Variants in CDC42SE2 observed in about 807,000 individuals in gnomAD.
CDC42SE2 encodes CDC42 small effector 2, also known as CDC42 small effector protein 2.
Under a neutral mutation model 11.5 loss-of-function variants are expected in CDC42SE2, and 3 were observed. The observed-to-expected ratio is 0.26, with a 90% confidence interval of 0.12 to 0.67. The LOEUF is 0.67. Among genes scored for constraint, CDC42SE2 ranks in the 30% least tolerant of loss-of-function variants. CDC42SE2 has a pLI of 0.80. For synonymous variants in CDC42SE2, 33 were observed against 34.8 expected (o/e 0.95, Z 0.18); for missense variants, 82 against 106.8 (o/e 0.77, Z 1.02).
intron 3 of CDC42SE2, among the ~76,000 whole-genome samples, chr5:131,369,392 T>C (rs1040676064): frequency 6.6e-6 from 1 of 152,182 alleles, no homozygotes; most frequent in African/African-American, 2.4e-5. Flanking sequence ...TTTGTGTATG[T>C]GTAGCCTGGT....
At position 131,347,339 on chromosome 5, in the gene CDC42SE2, TAC is replaced by T. The variant is rs201109104; in HGVS notation, c.-285-11868_-285-11867del. Among the ~76,000 whole-genome samples the T allele has an allele frequency of 2.8e-4, 42 of 152,212 alleles. No individual in the cohort carries two copies. The East Asian group carries it at 7.7e-3, about 28-fold the overall frequency. On this transcript the variant is annotated intron_variant, in intron 2 of 4. Transcript: ENST00000505065. The stretch of plus-strand genomic sequence containing the variant: ...GATCTCACCACCCATCCCACAGAAA[TAC>T]AGACTACCATCAGAAAATACTATAA...
chr5:131,272,975 C>T (rs1183366391), intron 1 of CDC42SE2, among the ~76,000 whole-genome samples: 1 of 152,064 alleles, frequency 6.6e-6, no homozygotes, highest in African/African-American at 2.4e-5. Flanking sequence ...TGGCATATTA[C>T]TGCCTGTTTT....
intron 1 of CDC42SE2, among the ~76,000 whole-genome samples, chr5:131,254,181 C>T (rs901291879): frequency 2.6e-5 from 4 of 152,150 alleles, no homozygotes; most frequent in African/African-American, 9.7e-5. Flanking sequence ...CTATCCCTTC[C>T]CCAGCCCCGC....
the CDC42SE2 span, among the ~76,000 whole-genome samples, chr5:131,217,100 G>A: frequency 6.6e-6 from 1 of 152,268 alleles, no homozygotes; most frequent in East Asian, 1.9e-4. Context: ...AATTTTGGTG[G>A]CAGACTACAG....
chr5:131,221,277 A>T, the CDC42SE2 span, among the ~76,000 whole-genome samples: 3 of 151,834 alleles, frequency 2.0e-5, no homozygotes, highest in South Asian at 4.2e-4. Flanking sequence ...AAACTTTCAT[A>T]AAACATTATG....
At chr5:131,308,501 T>TG (rs1156556784) in intron 1 of CDC42SE2, among the ~76,000 whole-genome samples, 1 of 143,842 alleles carries the variant, frequency 7.0e-6, no homozygotes, top group African/African-American at 2.6e-5. Flanking sequence ...GGTAGCTTGA[T>TG]GGGGATGGCA....
chr5:131,387,601 A>C (rs1014980195), intron 4 of CDC42SE2, among the ~76,000 whole-genome samples: 1 of 152,204 alleles, frequency 6.6e-6, no homozygotes, highest in Non-Finnish European at 1.5e-5. Context: ...AGTTCGTGGC[A>C]TTTAAAATCT....
At chr5:131,314,703 A>G (rs551925215) in intron 1 of CDC42SE2, among the ~76,000 whole-genome samples, 27 of 152,328 alleles carry the variant, frequency 1.8e-4, no homozygotes, top group African/African-American at 6.3e-4. Context: ...ATAGCCTCTT[A>G]GTTCACTGTC....
chr5:131,231,055 T>A, the CDC42SE2 span, among the ~76,000 whole-genome samples: 1 of 152,250 alleles, frequency 6.6e-6, no homozygotes, highest in Admixed American at 6.5e-5. Flanking sequence ...TAAATGTTTA[T>A]CAGCAGTATT....
chr5:131,223,004 A>C, the CDC42SE2 span, among the ~76,000 whole-genome samples: 1 of 152,324 alleles, frequency 6.6e-6, no homozygotes, highest in Admixed American at 6.5e-5. Context: ...ATGTAATTAA[A>C]TCATTGGCAC....
rs79793624 is a variant in CDC42SE2, at chr5:131,266,988, A to T, written c.-455+2822A>T. Among the ~76,000 whole-genome samples, 357 of 137,084 alleles carry T rather than the reference A, an allele frequency of 2.6e-3. 4 individuals are homozygous for T. The highest frequency in any genetic ancestry group is 9.6e-3 in the African/African-American group (350 of 36,570). The allele number at this position is 137,084 out of a possible 152,430, so 89.9% of individuals were successfully genotyped here. On this transcript the variant is annotated intron_variant, in intron 1 of 4. Coordinates refer to ENST00000505065, the MANE Select transcript of CDC42SE2 (RefSeq NM_001375635.1). ...TTTTTTTTTTTTTTCGGATAAGCACATCATCAGAATTCTTGACAATCAGCA... is the reference window on the plus strand; with the variant it reads ...TTTTTTTTTTTTTTCGGATAAGCACTTCATCAGAATTCTTGACAATCAGCA...
intron 1 of CDC42SE2, among the ~76,000 whole-genome samples, chr5:131,283,572 C>T (rs1392558161): frequency 6.6e-6 from 1 of 151,642 alleles, no homozygotes; most frequent in African/African-American, 2.4e-5. Context: ...CGGCCCACTG[C>T]AACCTCTGCC....
chr5:131,272,200 A>G (rs1257876266), intron 1 of CDC42SE2, among the ~76,000 whole-genome samples: 1 of 151,676 alleles, frequency 6.6e-6, no homozygotes. Context: ...TTTTTAATAG[A>G]GACAGGGTTT....
chr5:131,287,250 C>T (rs1757360297), intron 1 of CDC42SE2, among the ~76,000 whole-genome samples: 1 of 152,170 alleles, frequency 6.6e-6, no homozygotes, highest in South Asian at 2.1e-4. Flanking sequence ...CCGCCTTGGC[C>T]TCCCAAAGTG....
intron 1 of CDC42SE2, among the ~76,000 whole-genome samples, chr5:131,309,267 G>C (rs530548037): frequency 0.017 from 2,571 of 150,476 alleles, 72 homozygotes; most frequent in African/African-American, 0.059. Flanking sequence ...TGCGTATATT[G>C]AACCAGCCTT....
At chr5:131,218,616 C>T in the CDC42SE2 span, among the ~76,000 whole-genome samples, 1 of 137,782 alleles carries the variant, frequency 7.3e-6, no homozygotes, top group Non-Finnish European at 1.5e-5. Flanking sequence ...AAACAACTCA[C>T]ATGACTAATA....
chr5:131,274,468 C>T (rs556270719), intron 1 of CDC42SE2, among the ~76,000 whole-genome samples: 2 of 152,350 alleles, frequency 1.3e-5, no homozygotes, highest in East Asian at 3.9e-4. Flanking sequence ...GCTGCCACCT[C>T]TGTAAGCAAC....
chr5:131,308,937 T>G (rs1163456618), intron 1 of CDC42SE2, among the ~76,000 whole-genome samples: 1 of 151,204 alleles, frequency 6.6e-6, no homozygotes, highest in East Asian at 2.0e-4. Flanking sequence ...TACCCTTTAT[T>G]TCCTTCTCCT....
chr5:131,320,401 G>C (rs1211077684), intron 2 of CDC42SE2, among the ~76,000 whole-genome samples: 1 of 142,066 alleles, frequency 7.0e-6, no homozygotes, highest in Non-Finnish European at 1.5e-5. Flanking sequence ...CAAAAAATAA[G>C]TAAATAAGAT....
Sources: gnomAD v4.1 joint callset for allele counts (sites outside exome capture counted in the v4.1 genomes callset) on GRCh38, gnomAD v4.1.1 for gene constraint, MANE v1.5 for transcripts, NCBI Gene and HGNC (gene_info 2026-07-23, HGNC 2026-07-21) for gene names.